Variants in SRPK2 observed in about 807,000 individuals in gnomAD.
SRPK2 encodes SFRS protein kinase 2.
SRPK2 carries 21 observed loss-of-function variants against 90.8 expected under a neutral mutation model. The observed-to-expected ratio is 0.23, with a 90% CI of 0.16 to 0.33. SRPK2 has a LOEUF of 0.33. SRPK2 is among the 10% of genes least tolerant of loss of function. The probability of loss-of-function intolerance (pLI) is 1.00; values close to 1 mark genes in which losing one functional copy is unlikely to be tolerated. For synonymous variants in SRPK2, 288 were observed against 311.1 expected (o/e 0.93, Z 0.78); for missense variants, 620 against 869.0 (o/e 0.71, Z 3.60).
intron 2 of SRPK2, among the ~76,000 whole-genome samples, chr7:105,261,087 C>G (rs908010558): frequency 6.9e-6 from 1 of 144,004 alleles, no homozygotes. Context: ...AGGTGATACA[C>G]AAAATACTAA....
intron 1 of SRPK2, among the ~76,000 whole-genome samples, chr7:105,397,575 G>T (rs1234556451): frequency 6.6e-6 from 1 of 151,396 alleles, no homozygotes. Flanking sequence ...TTATCCACCT[G>T]CCTCAGCCTC....
chr7:105,300,750 C>T (rs1236391012), intron 2 of SRPK2, among the ~76,000 whole-genome samples: 1 of 152,072 alleles, frequency 6.6e-6, no homozygotes, highest in Non-Finnish European at 1.5e-5. Flanking sequence ...ATGCAGCTAG[C>T]AGACACATGA....
intron 9 of SRPK2, among the ~76,000 whole-genome samples, chr7:105,144,996 C>T (rs1804357089): frequency 6.6e-6 from 1 of 151,502 alleles, no homozygotes; most frequent in African/African-American, 2.4e-5. Context: ...ATCCCAGCTA[C>T]TCGGGAGGCT....
chr7:105,380,080 G>A (rs552330141), intron 2 of SRPK2, among the ~76,000 whole-genome samples: 7 of 152,230 alleles, frequency 4.6e-5, no homozygotes, highest in Admixed American at 1.3e-4. Flanking sequence ...GGGTGAAAGC[G>A]GCCTAGGCAA....
At chr7:105,292,997 G>C (rs74397605) in intron 2 of SRPK2, among the ~76,000 whole-genome samples, 2,378 of 152,274 alleles carry the variant, frequency 0.016, 64 homozygotes, top group African/African-American at 0.052. Flanking sequence ...AGTATGCCAG[G>C]CTTGGCCAGG....
chr7:105,126,844 G>A, intron 14 of SRPK2, 149 bp downstream of exon 14: 1 of 747,034 alleles, frequency 1.3e-6, no homozygotes, highest in Non-Finnish European at 2.2e-6. Flanking sequence ...GAGACTGAGG[G>A]GGCATCAAAC....
At chr7:105,316,103 C>T (rs1054650722) in intron 2 of SRPK2, among the ~76,000 whole-genome samples, 1 of 149,662 alleles carries the variant, frequency 6.7e-6, no homozygotes, top group Non-Finnish European at 1.5e-5. Flanking sequence ...CGGCTCACTG[C>T]AACCTCCGCC....
chr7:105,393,455 T>C (rs1822235091), upstream of SRPK2, among the ~76,000 whole-genome samples: 1 of 145,336 alleles, frequency 6.9e-6, no homozygotes. Flanking sequence ...TCCCTCTGGT[T>C]TTTCTTTTTT....
At chr7:105,168,744 A>ACTGTGTGTGT (rs1165915539) in intron 4 of SRPK2, among the ~76,000 whole-genome samples, 3 of 25,408 alleles carry the variant, frequency 1.2e-4, no homozygotes, top group Non-Finnish European at 2.8e-4. Context: ...ACACGCACCA[A>ACTGTGTGTGT]ATGTGTGTGT....
intron 2 of SRPK2, among the ~76,000 whole-genome samples, chr7:105,360,587 T>C (rs1818314432): frequency 6.6e-6 from 1 of 152,148 alleles, no homozygotes; most frequent in African/African-American, 2.4e-5. Flanking sequence ...TCTCTCAACA[T>C]TTGCTTGTCA....
chr7:105,262,103 T>C (rs1204927900), intron 2 of SRPK2, among the ~76,000 whole-genome samples: 1 of 152,172 alleles, frequency 6.6e-6, no homozygotes, highest in South Asian at 2.1e-4. Context: ...CTGAAAGGTT[T>C]GCTCTGGCTG....
chr7:105,319,408 C>A lies in SRPK2; in HGVS notation c.71+69240G>T, dbSNP rs1812651833. ...AAAATTACCTTCCTCTTTGTTCCTTCTACATTCTTGAAAGCTTACTTAAGA... is the reference window on the plus strand; with the variant it reads ...AAAATTACCTTCCTCTTTGTTCCTTATACATTCTTGAAAGCTTACTTAAGA... On this transcript the variant is annotated intron_variant, in intron 2 of 15. Transcript: ENST00000393651. Among the ~76,000 whole-genome samples, 5 of 145,972 alleles carry A rather than the reference C, an allele frequency of 3.4e-5. No homozygotes were observed. The Admixed American group carries it at 3.6e-4, about 11-fold the overall frequency.
intron 6 of SRPK2, among the ~76,000 whole-genome samples, chr7:105,164,828 G>C (rs1808274258): frequency 1.3e-5 from 2 of 152,202 alleles, no homozygotes; most frequent in South Asian, 4.1e-4. Context: ...TGACATTTGT[G>C]AAAGTAAAAT....
Position 105,204,499 on chromosome 7 carries a change from C to A in SRPK2, c.72-714G>T, listed in dbSNP as rs138551705. 3 of 355,710 alleles carry A rather than the reference C, an allele frequency of 8.4e-6. No homozygotes were observed. The East Asian group carries it at 2.4e-4, about 29-fold the overall frequency. The allele number at this position is 355,710 out of a possible 1,614,324, so 22.0% of individuals were successfully genotyped here. ...TACTATTCCTAACCATGCCCCAGTG[C>A]GGGGAAATAGGACCCTACAGTCTCA... On this transcript the variant is annotated intron_variant, in intron 2 of 15. Coordinates refer to ENST00000393651, the MANE Select transcript of SRPK2 (RefSeq NM_182692.3).
chr7:105,288,336 C>T (rs1208676272), intron 2 of SRPK2, among the ~76,000 whole-genome samples: 1 of 152,146 alleles, frequency 6.6e-6, no homozygotes, highest in Admixed American at 6.5e-5. Flanking sequence ...GTGGCTCATG[C>T]CTGTAATCCC....
intron 2 of SRPK2, among the ~76,000 whole-genome samples, chr7:105,336,670 GA>G: frequency 1.3e-5 from 2 of 152,100 alleles, no homozygotes; most frequent in African/African-American, 4.8e-5. Context: ...TTGTCTTACT[GA>G]ACTACTTTTA....
chr7:105,268,515 T>C (rs1486301731), intron 2 of SRPK2, among the ~76,000 whole-genome samples: 1 of 152,260 alleles, frequency 6.6e-6, no homozygotes, highest in Non-Finnish European at 1.5e-5. Flanking sequence ...TTCTGCTTTT[T>C]AGCTAAATTA....
chr7:105,167,896 C>T, intron 5 of SRPK2, 112 bp downstream of exon 5: 2 of 858,996 alleles, frequency 2.3e-6, no homozygotes, highest in South Asian at 3.6e-5. Context: ...TAGGCATGAG[C>T]CACCGTGCCC....
At chr7:105,180,009 A>T (rs190359965) in intron 3 of SRPK2, among the ~76,000 whole-genome samples, 9 of 152,258 alleles carry the variant, frequency 5.9e-5, no homozygotes, top group African/African-American at 1.9e-4. Flanking sequence ...ATACTGCCTG[A>T]AACAATTTAC....
Sources: gnomAD v4.1 joint callset for allele counts (sites outside exome capture counted in the v4.1 genomes callset) on GRCh38, gnomAD v4.1.1 for gene constraint, MANE v1.5 for transcripts, NCBI Gene and HGNC (gene_info 2026-07-23, HGNC 2026-07-21) for gene names.